Variants in RBMS1 observed in about 807,000 individuals in gnomAD.
RBMS1 encodes the protein RNA binding motif single stranded interacting protein 1.
RBMS1 carries 17 observed loss-of-function variants against 62.3 expected under a neutral mutation model. The ratio of observed to expected loss-of-function variants is 0.27; its 90% CI spans 0.19 to 0.41. The LOEUF (loss-of-function observed/expected upper bound fraction) is 0.41. Among genes scored for constraint, RBMS1 ranks in the 10% least tolerant of loss-of-function variants. RBMS1 has a pLI of 1.00. For missense variants in RBMS1, 334 were observed against 504.5 expected, an observed-to-expected ratio of 0.66 and a Z score of 3.24; for synonymous variants, 172 against 170.0, an observed-to-expected ratio of 1.01 and a Z score of -0.09.
chr2:160,343,812 T>C (rs1573899333), intron 2 of RBMS1, among the ~76,000 whole-genome samples: 1 of 152,192 alleles, frequency 6.6e-6, no homozygotes, highest in Non-Finnish European at 1.5e-5. Context: ...TATTCTACTT[T>C]TGATGCGTTA....
intron 4 of RBMS1, among the ~76,000 whole-genome samples, chr2:160,311,233 T>TCTCTCC (rs1689870252): frequency 1.5e-5 from 1 of 66,236 alleles, no homozygotes; most frequent in East Asian, 3.9e-4. Flanking sequence ...TCTATCTATC[T>TCTCTCC]ATATATATAT....
chr2:160,316,205 T>C lies in RBMS1; in HGVS notation c.310+1964A>G, dbSNP rs1440198164. Among the ~76,000 whole-genome samples, 3 of 152,314 alleles carry C rather than the reference T, an allele frequency of 2.0e-5. No individual in the cohort carries two copies. In the East Asian group the frequency reaches 5.8e-4, roughly 29 times the overall value. ...GTTAAGTGTTATTTCTTCTCATTTG[T>C]CCTGAAATTACTTTTTTCTTGCTTC... is the stretch of plus-strand genomic sequence containing the variant. On this transcript the variant is annotated intron_variant, in intron 3 of 13. Transcript: ENST00000348849.
At chr2:160,381,871 CTG>C (rs1256827840) in intron 1 of RBMS1, among the ~76,000 whole-genome samples, 1 of 152,224 alleles carries the variant, frequency 6.6e-6, no homozygotes, top group African/African-American at 2.4e-5. Context: ...CACAGCATTA[CTG>C]TGAAGGATTA....
chr2:160,322,129 A>C (rs1690594732), intron 2 of RBMS1, among the ~76,000 whole-genome samples: 1 of 152,144 alleles, frequency 6.6e-6, no homozygotes, highest in Non-Finnish European at 1.5e-5. Context: ...GCTTTTATTT[A>C]ATTAACTTCA....
intron 1 of RBMS1, among the ~76,000 whole-genome samples, chr2:160,427,228 A>C (rs1682676901): frequency 6.6e-6 from 1 of 152,202 alleles, no homozygotes; most frequent in Non-Finnish European, 1.5e-5. Context: ...CCTTCTTTAA[A>C]ATAAAGAAGT....
intron 2 of RBMS1, among the ~76,000 whole-genome samples, chr2:160,362,938 GC>G (rs1693209218): frequency 6.6e-6 from 1 of 152,056 alleles, no homozygotes. Flanking sequence ...ATCTGGTAGA[GC>G]TTCTTCCTCC....
At position 160,318,161 on chromosome 2, in the gene RBMS1, A is replaced by C. The variant is rs1244783700; in HGVS notation, c.310+8T>G. The C allele has an allele frequency of 6.2e-7, 1 of 1,600,580 alleles. No individual in the cohort carries two copies. The highest frequency in any genetic ancestry group is 1.3e-5 in the African/African-American group (1 of 74,252). On this transcript the variant is annotated splice_region_variant and intron_variant, in intron 3 of 13. Transcript: ENST00000348849. ...TCATTTACCAAATAACCAGCCAAGA[A>C]AACATACCTTTGCATTTGTTCGTTG...
At chr2:160,439,644 G>A (rs568040982) in intron 1 of RBMS1, among the ~76,000 whole-genome samples, 18 of 151,862 alleles carry the variant, frequency 1.2e-4, no homozygotes, top group African/African-American at 3.6e-4. Context: ...CTCACTTCCC[G>A]GACGGGGTGG....
At chr2:160,407,444 C>A (rs1320270439) in intron 1 of RBMS1, 3 of 986,100 alleles carry the variant, frequency 3.0e-6, no homozygotes, top group Admixed American at 6.1e-5. Flanking sequence ...CTCGGCGCGG[C>A]ATCCCGGCCG....
intron 9 of RBMS1, 47 bp downstream of exon 9, chr2:160,284,728 A>G: frequency 7.5e-7 from 1 of 1,339,004 alleles, no homozygotes; most frequent in Non-Finnish European, 1.1e-6. Context: ...GCAGAGATTC[A>G]TGGTCCGCAA....
intron 1 of RBMS1, among the ~76,000 whole-genome samples, chr2:160,371,513 A>G (rs191124864): frequency 6.6e-6 from 1 of 152,298 alleles, no homozygotes; most frequent in East Asian, 1.9e-4. Flanking sequence ...CAAACAAACT[A>G]CATTCTTCTA....
At chr2:160,442,599 A>G (rs762112665) in intron 1 of RBMS1, among the ~76,000 whole-genome samples, 4 of 152,232 alleles carry the variant, frequency 2.6e-5, no homozygotes, top group Non-Finnish European at 5.9e-5. Context: ...TTTGCGTTAT[A>G]TAAATATTTC....
intron 1 of RBMS1, among the ~76,000 whole-genome samples, chr2:160,486,974 T>A (rs947883082): frequency 1.3e-5 from 2 of 152,218 alleles, no homozygotes; most frequent in Admixed American, 1.3e-4. Context: ...ATTTCCAACC[T>A]GCCACACCTC....
chr2:160,340,615 G>T (rs1323458287), intron 2 of RBMS1, among the ~76,000 whole-genome samples: 1 of 151,950 alleles, frequency 6.6e-6, no homozygotes. Flanking sequence ...AGAAATGTAG[G>T]TAAGAATTTT....
intron 2 of RBMS1, among the ~76,000 whole-genome samples, chr2:160,342,770 A>C (rs1282683458): frequency 0.012 from 88 of 7,102 alleles, 1 homozygote; most frequent in African/African-American, 0.026. Context: ...TACAAAATAC[A>C]AAAAAAAAAA....
At chr2:160,446,976 C>A (rs1310324581) in intron 1 of RBMS1, among the ~76,000 whole-genome samples, 1 of 152,248 alleles carries the variant, frequency 6.6e-6, no homozygotes, top group Non-Finnish European at 1.5e-5. Context: ...CCACCTTGCA[C>A]CCCTTCTTCA....
At chr2:160,295,609 C>T (rs932749551) in intron 6 of RBMS1, among the ~76,000 whole-genome samples, 3 of 152,174 alleles carry the variant, frequency 2.0e-5, no homozygotes, top group Non-Finnish European at 4.4e-5. Context: ...GAGGATCCTA[C>T]GATCATTTAC....
At chr2:160,417,801 A>G (rs1696263234) in intron 1 of RBMS1, among the ~76,000 whole-genome samples, 1 of 152,226 alleles carries the variant, frequency 6.6e-6, no homozygotes, top group Non-Finnish European at 1.5e-5. Flanking sequence ...TTAGAAAAAT[A>G]TTTGTCAAAC....
Position 160,367,255 on chromosome 2 carries a change from G to C in RBMS1, c.212C>G (p.Pro71Arg). ...CACCAGGTCCTGGTCGGTGGTGTGG[G>C]GAGGCAGTCCTCGGATATAGAGGTT... is the stretch of plus-strand genomic sequence containing the variant. ...KTNLYIRGLP[P>R]HTTDQDLVKL... Residue 71 changes from proline (P) to arginine (R), a missense_variant, in exon 2 of 14, where the codon CCC becomes CGC. By Grantham distance (103) the Pro-to-Arg change is moderately radical. Around this residue, in one of 3 missense-constraint regions of RBMS1, gnomAD observed 150 missense variants for 228.0 expected, o/e 0.66. Transcript: ENST00000348849. 1 of 1,613,854 alleles carries C rather than the reference G, an allele frequency of 6.2e-7. No homozygotes were observed. The highest frequency in any genetic ancestry group is 8.5e-7 in the Non-Finnish European group (1 of 1,179,990).
Sources: allele counts gnomAD v4.1 joint callset (sites outside exome capture counted in the v4.1 genomes callset), GRCh38; gene constraint gnomAD v4.1.1; regional missense constraint gnomAD v4.1.1; transcripts MANE v1.5; gene names NCBI Gene and HGNC (gene_info 2026-07-23, HGNC 2026-07-21).